ROBO2: variants seen among roughly 807,000 people sequenced by gnomAD.
ROBO2 encodes the protein roundabout homolog 2.
In ROBO2, 53 loss-of-function variants were observed where a neutral mutation model predicts 160.8. The observed-to-expected ratio is 0.33, with a 90% CI of 0.26 to 0.41. The LOEUF is 0.41. ROBO2 is among the 10% of genes least tolerant of loss of function. ROBO2 has a pLI of 1.00. For synonymous variants in ROBO2, 664 were observed against 611.7 expected (o/e 1.09, Z -1.26); for missense variants, 1,577 against 1,722.4 (o/e 0.92, Z 1.49).
chr3:77,326,016 T>C (rs997693834), intron 2 of ROBO2, among the ~76,000 whole-genome samples: 7 of 152,230 alleles, frequency 4.6e-5, no homozygotes, highest in Admixed American at 1.3e-4. Context: ...TCTTTAGTTT[T>C]AATTTTAGAA....
intron 2 of ROBO2, among the ~76,000 whole-genome samples, chr3:77,464,219 A>G (rs2082530606): frequency 6.6e-6 from 1 of 152,232 alleles, no homozygotes; most frequent in South Asian, 2.1e-4. Flanking sequence ...AAGTAGCAGA[A>G]CAGAGACAAC....
intron 2 of ROBO2, chr3:76,435,216 C>T (rs1042075517): frequency 9.4e-6 from 14 of 1,487,288 alleles, no homozygotes; most frequent in Non-Finnish European, 1.1e-5. Flanking sequence ...GGGTAAAGTG[C>T]CAACCATATC....
At chr3:77,343,057 G>GGAGAGAGAGAGA (rs766199289) in intron 2 of ROBO2, among the ~76,000 whole-genome samples, 3 of 63,666 alleles carry the variant, frequency 4.7e-5, no homozygotes, top group Non-Finnish European at 1.2e-4. Context: ...ATAGGTAGAT[G>GGAGAGAGAGAGA]GAGAGAGAGA....
chr3:77,274,554 C>A (rs1445608185), intron 2 of ROBO2, among the ~76,000 whole-genome samples: 1 of 151,978 alleles, frequency 6.6e-6, no homozygotes. Context: ...ATTAATATTC[C>A]AAGATTCAGG....
chr3:77,248,777 CTTT>C (rs56271044), intron 2 of ROBO2, among the ~76,000 whole-genome samples: 235 of 141,582 alleles, frequency 1.7e-3, no homozygotes, highest in Middle Eastern at 3.8e-3. Context: ...ATCACTTGCT[CTTT>C]TTTTTTTTTT....
chr3:77,080,685 C>T (rs537525828), intron 1 of ROBO2, among the ~76,000 whole-genome samples: 44 of 152,304 alleles, frequency 2.9e-4, no homozygotes, highest in South Asian at 1.9e-3. Flanking sequence ...CTGGAAAGCT[C>T]TCTTCAGCTG....
At chr3:77,551,173 C>T (rs773203615) in intron 8 of ROBO2, among the ~76,000 whole-genome samples, 184 bp downstream of exon 9, 1 of 151,936 alleles carries the variant, frequency 6.6e-6, no homozygotes, top group Non-Finnish European at 1.5e-5. Context: ...CACTTATTTT[C>T]CCCAAAGAAG....
chr3:76,557,158 C>G (rs1312878787), intron 2 of ROBO2, among the ~76,000 whole-genome samples: 1 of 152,044 alleles, frequency 6.6e-6, no homozygotes, highest in Non-Finnish European at 1.5e-5. Flanking sequence ...GTGTCTGAAG[C>G]TGCTCACTCT....
chr3:77,485,970 C>G (rs2085303153), intron 4 of ROBO2, among the ~76,000 whole-genome samples: 1 of 151,772 alleles, frequency 6.6e-6, no homozygotes, highest in Non-Finnish European at 1.5e-5. Flanking sequence ...GTGTGTTGTT[C>G]CCCTGATGTG....
chr3:77,561,402 T>C (rs1014634766), intron 9 of ROBO2, among the ~76,000 whole-genome samples: 18 of 152,182 alleles, frequency 1.2e-4, no homozygotes, highest in African/African-American at 3.9e-4. Flanking sequence ...TTGATGAGAA[T>C]GAATGTTGTT....
rs1302043228 is a variant in ROBO2 at position 76,188,239 on chromosome 3, A to G, written c.109+250637A>G. On this transcript the variant is annotated intron_variant, in intron 2 of 26. Coordinates refer to the ROBO2 transcript ENST00000487694. ...ACCTTTTTGGAAACAGGGTCTTTGT[A>G]GATATAATTAAGCTAAAATGAGGTC... Among the ~76,000 whole-genome samples, 5 of 152,196 alleles carry G rather than the reference A, an allele frequency of 3.3e-5. No homozygotes were observed. In the East Asian group the frequency reaches 9.7e-4, roughly 30 times the overall value.
intron 2 of ROBO2, among the ~76,000 whole-genome samples, chr3:77,428,431 C>T (rs1213915128): frequency 3.3e-4 from 47 of 144,220 alleles, no homozygotes. Context: ...TCTCGGCTCA[C>T]TTGCAAGCTC....
chr3:76,451,151 A>G (rs762624502), intron 2 of ROBO2, among the ~76,000 whole-genome samples: 1 of 152,162 alleles, frequency 6.6e-6, no homozygotes, highest in Admixed American at 6.5e-5. Flanking sequence ...GTTACTTGCC[A>G]TACAACTGAT....
chr3:77,184,676 G>T (rs1485823206), intron 2 of ROBO2, among the ~76,000 whole-genome samples: 4 of 151,898 alleles, frequency 2.6e-5, no homozygotes, highest in Admixed American at 2.6e-4. Flanking sequence ...ATCCTTATCT[G>T]GATTTAAAGA....
chr3:76,226,792 T>C (rs779482211), intron 2 of ROBO2, among the ~76,000 whole-genome samples: 2 of 152,194 alleles, frequency 1.3e-5, no homozygotes, highest in Non-Finnish European at 2.9e-5. Flanking sequence ...CAATCTGAGC[T>C]TAAAAATCAA....
At chr3:76,683,695 CA>C (rs963651774) in intron 2 of ROBO2, among the ~76,000 whole-genome samples, 1 of 151,800 alleles carries the variant, frequency 6.6e-6, no homozygotes, top group South Asian at 2.1e-4. Context: ...AATAAGAAAA[CA>C]AAAAAATTCA....
chr3:77,210,206 T>C (rs965549485), intron 2 of ROBO2, among the ~76,000 whole-genome samples: 1 of 151,848 alleles, frequency 6.6e-6, no homozygotes, highest in Non-Finnish European at 1.5e-5. Context: ...TGTACAAATA[T>C]CTCAATTTTC....
intron 2 of ROBO2, among the ~76,000 whole-genome samples, chr3:76,622,620 C>T (rs980877821): frequency 7.2e-5 from 11 of 152,094 alleles, no homozygotes; most frequent in African/African-American, 2.7e-4. Context: ...TCTGTCTTTC[C>T]AGTTTCAATC....
intron 2 of ROBO2, among the ~76,000 whole-genome samples, chr3:77,000,127 G>A (rs2149413533): frequency 6.6e-6 from 1 of 152,188 alleles, no homozygotes; most frequent in African/African-American, 2.4e-5. Flanking sequence ...ACCAGGTCCT[G>A]ATTTTGGCCA....
Sources: gnomAD v4.1 joint callset for allele counts (sites outside exome capture counted in the v4.1 genomes callset) on GRCh38, gnomAD v4.1.1 for gene constraint, MANE v1.5 for transcripts, NCBI Gene and HGNC (gene_info 2026-07-23, HGNC 2026-07-21) for gene names.